The following AKT3 variants were observed in gnomAD, a reference collection of about 807,000 sequenced individuals.
AKT3 encodes the protein AKT serine/threonine kinase 3, also known as RAC-gamma serine/threonine-protein kinase.
Under a neutral mutation model 65.3 loss-of-function variants are expected in AKT3, and 15 were observed. The observed-to-expected ratio is 0.23, with a 90% CI of 0.15 to 0.35. The LOEUF is 0.35. Among genes scored for constraint, AKT3 ranks in the 10% least tolerant of loss-of-function variants. The pLI, the probability that AKT3 is intolerant of heterozygous loss-of-function variation, is 1.00. For synonymous variants in AKT3, 206 were observed against 183.8 expected (o/e 1.12, Z -0.98); for missense variants, 243 against 576.5 (o/e 0.42, Z 5.92).
chr1:243,702,908 T>C (rs1387449149), intron 2 of AKT3: 2 of 152,190 alleles, frequency 1.3e-5, no homozygotes, highest in African/African-American at 4.8e-5. Context: ...ACCATAAAAA[T>C]ATAAACATTT....
intron 13 of AKT3, among the ~76,000 whole-genome samples, chr1:243,490,992 G>A (rs904967725): frequency 4.6e-5 from 7 of 152,324 alleles, no homozygotes; most frequent in South Asian, 2.1e-4. Flanking sequence ...GGGAGGGACC[G>A]TGACTCCTGG....
intron 12 of AKT3, among the ~76,000 whole-genome samples, chr1:243,543,610 G>A (rs1672462761): frequency 6.6e-6 from 1 of 152,132 alleles, no homozygotes; most frequent in African/African-American, 2.4e-5. Context: ...CTTTTGTAGT[G>A]TACTGACACG....
intron 1 of AKT3, among the ~76,000 whole-genome samples, chr1:243,848,467 TACTC>T (rs1024003569): frequency 3.6e-4 from 55 of 152,228 alleles, no homozygotes; most frequent in African/African-American, 1.3e-3. Context: ...TTGCAAGTGA[TACTC>T]AAGTTCTGAA....
intron 4 of AKT3, among the ~76,000 whole-genome samples, chr1:243,660,426 A>C (rs1220546792): frequency 6.6e-6 from 1 of 152,182 alleles, no homozygotes; most frequent in Non-Finnish European, 1.5e-5. Flanking sequence ...CAATAAACGT[A>C]ATCCAGCATA....
At chr1:243,788,403 T>C (rs946439324) in intron 2 of AKT3, among the ~76,000 whole-genome samples, 4 of 152,242 alleles carry the variant, frequency 2.6e-5, no homozygotes, top group Admixed American at 2.0e-4. Context: ...ATAAATTCAT[T>C]ATGTGTGAGT....
At chr1:243,811,087 G>A (rs1407982211) in intron 2 of AKT3, among the ~76,000 whole-genome samples, 7 of 152,114 alleles carry the variant, frequency 4.6e-5, no homozygotes, top group Non-Finnish European at 8.8e-5. Context: ...GGCAAAAACT[G>A]GAAGCATTCC....
intron 13 of AKT3, among the ~76,000 whole-genome samples, chr1:243,491,793 C>T (rs141899518): frequency 3.3e-4 from 50 of 152,302 alleles, no homozygotes; most frequent in Non-Finnish European, 4.7e-4. Context: ...CCTGGAGTGG[C>T]CTGTGGGTCC....
chr1:243,586,390 CTGAG>C (rs1020700213), intron 8 of AKT3, among the ~76,000 whole-genome samples: 21 of 152,174 alleles, frequency 1.4e-4, no homozygotes, highest in African/African-American at 5.1e-4. Flanking sequence ...AATCACATTA[CTGAG>C]TGTGTACCCA....
intron 2 of AKT3, among the ~76,000 whole-genome samples, chr1:243,798,393 A>ATTTTTTTTTTTTTTTTTTTTTTT (rs759264137): frequency 7.2e-5 from 6 of 83,312 alleles, no homozygotes; most frequent in East Asian, 3.8e-4. Flanking sequence ...CTAATTTTTA[A>ATTTTTTTTTTTTTTTTTTTTTTT]TTTTTTTTTT....
At position 243,832,120 on chromosome 1, in the gene AKT3, TAAAAAAAAAAAAAAAAAAAAAAAAAAAAA is replaced by T. The variant is rs869235352; in HGVS notation, c.46+10976_46+11004del. 3.6e-4 allele frequency among the ~76,000 whole-genome samples: 16 copies of T among 44,774 alleles called. No homozygotes were observed. In the East Asian group the frequency reaches 0.014, roughly 38 times the overall value. The allele number at this position is 44,774 out of a possible 152,430, so 29.4% of individuals were successfully genotyped here. On this transcript the variant is annotated intron_variant, in intron 2 of 13. Transcript: ENST00000673466. Reference sequence around the variant, plus strand: ...ACATAAAAAGACTCATCCCTAAAACTAAAAAAAAAAAAAAAAAAAAAAAAAAAAAAAAAAAAAAAAAAAAGACTAGATAA... The same window carrying T: ...ACATAAAAAGACTCATCCCTAAAACTAAAAAAAAAAAAAAAGACTAGATAA...
Position 243,504,379 on chromosome 1 carries a change from T to C in AKT3, c.*870A>G. 5.0e-6 allele frequency: 1 copy of C among 198,268 alleles called. No individual in the cohort carries two copies. The allele number at this position is 198,268 out of a possible 1,614,324, so 12.3% of individuals were successfully genotyped here. On this transcript the variant is annotated 3_prime_UTR_variant, in exon 14 of 14. Coordinates refer to ENST00000673466, the MANE Select transcript of AKT3 (RefSeq NM_005465.7). ...GTAGAAATTTTGGTGAAAAGCAGTATCATTATACCTGTCTACATTCTTCAG... is the reference window on the plus strand; with the variant it reads ...GTAGAAATTTTGGTGAAAAGCAGTACCATTATACCTGTCTACATTCTTCAG...
intron 8 of AKT3, among the ~76,000 whole-genome samples, chr1:243,600,963 C>T (rs979816684): frequency 2.0e-5 from 3 of 151,858 alleles, no homozygotes; most frequent in Non-Finnish European, 2.9e-5. Flanking sequence ...AAGAGACATG[C>T]GAGGCTCTGT....
At chr1:243,522,758 A>G (rs1048303766) in intron 12 of AKT3, among the ~76,000 whole-genome samples, 21 of 152,256 alleles carry the variant, frequency 1.4e-4, no homozygotes, top group African/African-American at 5.1e-4. Flanking sequence ...TAGGTAGGTT[A>G]CTAGGCAGTA....
intron 9 of AKT3, among the ~76,000 whole-genome samples, chr1:243,571,519 A>G (rs1374621605): frequency 6.6e-6 from 1 of 152,174 alleles, no homozygotes; most frequent in Admixed American, 6.5e-5. Context: ...ATTTCCTTAA[A>G]TCTAAGCCTC....
intron 2 of AKT3, among the ~76,000 whole-genome samples, chr1:243,777,559 GTCTT>G (rs1263291181): frequency 6.6e-6 from 1 of 152,168 alleles, no homozygotes; most frequent in African/African-American, 2.4e-5. Context: ...CATATAAGTT[GTCTT>G]TCTTATGACA....
chr1:243,590,206 A>G (rs899173713), intron 8 of AKT3, among the ~76,000 whole-genome samples: 6 of 152,192 alleles, frequency 3.9e-5, no homozygotes, highest in African/African-American at 9.6e-5. Flanking sequence ...TGTACTGTAT[A>G]TTTAAAATTT....
intron 2 of AKT3, among the ~76,000 whole-genome samples, chr1:243,782,922 G>T (rs912436362): frequency 5.4e-4 from 82 of 152,146 alleles, no homozygotes; most frequent in Admixed American, 1.5e-3. Flanking sequence ...TCACACCCTG[G>T]TATTCAAGCC....
At chr1:243,637,495 A>G in intron 6 of AKT3, 116 bp downstream of exon 6, 1 of 786,186 alleles carries the variant, frequency 1.3e-6, no homozygotes, top group Non-Finnish European at 1.9e-6. Flanking sequence ...GTAGTCTACA[A>G]CCATATTTTG....
At chr1:243,824,062 CAT>C (rs1033873774) in intron 2 of AKT3, among the ~76,000 whole-genome samples, 1 of 152,102 alleles carries the variant, frequency 6.6e-6, no homozygotes, top group Non-Finnish European at 1.5e-5. Context: ...AAAACAGACA[CAT>C]AGACCAACGG....
Sources: gnomAD v4.1 joint callset for allele counts (sites outside exome capture counted in the v4.1 genomes callset) on GRCh38, gnomAD v4.1.1 for gene constraint, MANE v1.5 for transcripts, NCBI Gene and HGNC (gene_info 2026-07-23, HGNC 2026-07-21) for gene names.